NRG3: variants seen among roughly 807,000 people sequenced by gnomAD.
The protein encoded by NRG3 is neuregulin 3, also known as pro-neuregulin-3, membrane-bound isoform.
Under a neutral mutation model 66.9 loss-of-function variants are expected in NRG3, and 31 were observed. The observed-to-expected ratio is 0.46, with a 90% CI of 0.35 to 0.63. The LOEUF is 0.63. Ranked by LOEUF, NRG3 falls within the 20% of genes least tolerant of loss-of-function variation. The pLI is 0.00. For synonymous variants in NRG3, 393 were observed against 359.4 expected (o/e 1.09, Z -1.06); for missense variants, 910 against 878.9 (o/e 1.04, Z -0.45).
intron 3 of NRG3, among the ~76,000 whole-genome samples, chr10:82,786,949 C>T (rs975046399): frequency 5.9e-5 from 9 of 152,070 alleles, no homozygotes; most frequent in Admixed American, 4.6e-4. Flanking sequence ...CAAGAAGGCT[C>T]TCGCTGTATG....
intron 2 of NRG3, among the ~76,000 whole-genome samples, chr10:82,720,827 A>AT (rs1309127009): frequency 7.6e-6 from 1 of 131,138 alleles, no homozygotes; most frequent in African/African-American, 3.5e-5. Context: ...ATATATATAT[A>AT]TATATATATA....
At chr10:82,784,864 C>T (rs926736212) in intron 3 of NRG3, among the ~76,000 whole-genome samples, 5 of 152,036 alleles carry the variant, frequency 3.3e-5, no homozygotes, top group Admixed American at 2.6e-4. Flanking sequence ...GGTATATACC[C>T]AAAGGACTAT....
intron 1 of NRG3, among the ~76,000 whole-genome samples, chr10:82,151,028 C>T (rs1172538312): frequency 2.0e-5 from 3 of 152,210 alleles, no homozygotes; most frequent in Admixed American, 2.0e-4. Context: ...GATTTTCAAT[C>T]TCCTTGTGCA....
At chr10:82,358,333 A>G (rs2083907069) in intron 1 of NRG3, among the ~76,000 whole-genome samples, 1 of 152,214 alleles carries the variant, frequency 6.6e-6, no homozygotes, top group Admixed American at 6.5e-5. Flanking sequence ...GAACAGTCAC[A>G]ATATACATTG....
chr10:82,663,105 T>C (rs1591071373), intron 2 of NRG3, among the ~76,000 whole-genome samples: 2 of 152,162 alleles, frequency 1.3e-5, no homozygotes, highest in South Asian at 4.1e-4. Context: ...ATCGGATAGG[T>C]AACTAGCAGT....
chr10:82,329,086 C>T (rs1230408919), intron 1 of NRG3, among the ~76,000 whole-genome samples: 14 of 152,138 alleles, frequency 9.2e-5, no homozygotes, highest in Admixed American at 9.2e-4. Context: ...AGCCGAGGGC[C>T]ATGTAGTCCC....
intron 1 of NRG3, among the ~76,000 whole-genome samples, chr10:81,966,244 A>G (rs956441552): frequency 3.3e-5 from 5 of 150,732 alleles, no homozygotes; most frequent in Admixed American, 6.6e-5. Flanking sequence ...CCTTGTCATA[A>G]TATGTTCTTT....
At chr10:82,809,657 A>G (rs188990337) in intron 3 of NRG3, among the ~76,000 whole-genome samples, 1 of 152,142 alleles carries the variant, frequency 6.6e-6, no homozygotes, top group Non-Finnish European at 1.5e-5. Context: ...ACGTGGCTGT[A>G]GAGAATTTAC....
chr10:82,865,747 T>A (rs474292), intron 4 of NRG3, among the ~76,000 whole-genome samples: 112,195 of 152,068 alleles, frequency 0.74, 41,921 homozygotes, highest in African/African-American at 0.86. Context: ...TAATAATAGG[T>A]TCTATTTTCC....
chr10:82,734,521 G>C (rs762478761), intron 2 of NRG3, among the ~76,000 whole-genome samples: 1 of 151,996 alleles, frequency 6.6e-6, no homozygotes, highest in Non-Finnish European at 1.5e-5. Flanking sequence ...TACTTCAGTT[G>C]GGCTCAGAAA....
rs1280390765 is a variant in NRG3, at chr10:82,889,302, TACCGG to T, written c.1054+23866_1054+23870del. ...CTGCTGGATTTGTTGAAAGAGCGGA[TACCGG>T]GTTTGAGAGACAGCAATCAGAGATG... is the stretch of plus-strand genomic sequence containing the variant. On this transcript the variant is annotated intron_variant, in intron 4 of 8. Transcript: ENST00000372141. 3.7e-4 allele frequency among the ~76,000 whole-genome samples: 57 copies of T among 152,176 alleles called. No individual in the cohort carries two copies. In the South Asian group the frequency reaches 0.011, roughly 30 times the overall value.
intron 5 of NRG3, among the ~76,000 whole-genome samples, chr10:82,958,069 A>T (rs542127183): frequency 2.0e-5 from 3 of 152,220 alleles, no homozygotes; most frequent in Non-Finnish European, 2.9e-5. Flanking sequence ...CCGCATGTGC[A>T]CACAGGAGCA....
chr10:82,035,687 G>A (rs1182799029), intron 1 of NRG3, among the ~76,000 whole-genome samples: 1 of 151,996 alleles, frequency 6.6e-6, no homozygotes, highest in Non-Finnish European at 1.5e-5. Flanking sequence ...TAGGGGTTGG[G>A]GACAAATGTT....
At chr10:82,906,332 G>A (rs1371834793) in intron 4 of NRG3, among the ~76,000 whole-genome samples, 1 of 152,112 alleles carries the variant, frequency 6.6e-6, no homozygotes, top group Non-Finnish European at 1.5e-5. Flanking sequence ...TTTCATGACA[G>A]CAATGTTAAA....
intron 1 of NRG3, among the ~76,000 whole-genome samples, chr10:82,111,600 A>G (rs1311594963): frequency 6.6e-6 from 1 of 152,152 alleles, no homozygotes; most frequent in Non-Finnish European, 1.5e-5. Context: ...ACCAAGATCT[A>G]TCCATGAACT....
chr10:82,372,199 T>C (rs925086980), intron 2 of NRG3, among the ~76,000 whole-genome samples: 5 of 152,238 alleles, frequency 3.3e-5, no homozygotes, highest in South Asian at 2.1e-4. Flanking sequence ...TGAGCTGCTA[T>C]TGGAGAAGTT....
intron 2 of NRG3, among the ~76,000 whole-genome samples, chr10:82,645,478 T>C (rs1217334971): frequency 4.6e-5 from 7 of 152,206 alleles, no homozygotes; most frequent in South Asian, 2.1e-4. Flanking sequence ...CCCAGGCTGC[T>C]GTCAGTGTTC....
At chr10:82,350,019 G>A (rs891246424) in intron 1 of NRG3, among the ~76,000 whole-genome samples, 6 of 152,238 alleles carry the variant, frequency 3.9e-5, no homozygotes, top group South Asian at 2.1e-4. Context: ...GGAAATCACC[G>A]TCTTCTGCGT....
chr10:82,802,698 G>T (rs554965149), intron 3 of NRG3, among the ~76,000 whole-genome samples: 196 of 151,994 alleles, frequency 1.3e-3, no homozygotes, highest in African/African-American at 4.6e-3. Flanking sequence ...TGTCACCCAG[G>T]CTGGAGTGCA....
Sources: gnomAD v4.1 joint callset for allele counts (sites outside exome capture counted in the v4.1 genomes callset) on GRCh38, gnomAD v4.1.1 for gene constraint, MANE v1.5 for transcripts, NCBI Gene and HGNC (gene_info 2026-07-23, HGNC 2026-07-21) for gene names.